SRFBP1: variants seen among roughly 807,000 people sequenced by gnomAD.
The protein encoded by SRFBP1 is serum response factor-binding protein 1.
SRFBP1 carries 47 observed loss-of-function variants against 45.5 expected under a neutral mutation model. The observed-to-expected ratio is 1.03, with a 90% CI of 0.82 to 1.32. The LOEUF is 1.32. Ranked by LOEUF, SRFBP1 falls within the 40% of genes most tolerant of loss-of-function variation. SRFBP1 has a pLI of 0.00. For synonymous variants in SRFBP1, 203 were observed against 166.3 expected (o/e 1.22, Z -1.70); for missense variants, 621 against 484.6 (o/e 1.28, Z -2.64).
chr5:121,965,745 A>G (rs1017556188), intron 1 of SRFBP1, among the ~76,000 whole-genome samples: 2 of 152,122 alleles, frequency 1.3e-5, no homozygotes, highest in Non-Finnish European at 2.9e-5. Context: ...TGGTAGCTTG[A>G]TGGGGATAGC....
At chr5:121,991,512 A>G (rs567010722) in intron 3 of SRFBP1, among the ~76,000 whole-genome samples, 1 of 152,254 alleles carries the variant, frequency 6.6e-6, no homozygotes, top group Non-Finnish European at 1.5e-5. Flanking sequence ...ATTTTCTGTA[A>G]TCTTTGAATA....
intron 4 of SRFBP1, among the ~76,000 whole-genome samples, chr5:121,996,790 T>C (rs1285043246): frequency 7.8e-6 from 1 of 129,018 alleles, no homozygotes; most frequent in African/African-American, 3.2e-5. Flanking sequence ...AAAATCTCCT[T>C]AAGCTGATAA....
intron 2 of SRFBP1, among the ~76,000 whole-genome samples, chr5:122,035,777 C>T (rs921468322): frequency 1.3e-5 from 2 of 152,150 alleles, no homozygotes; most frequent in Non-Finnish European, 2.9e-5. Context: ...AGAGCCTACC[C>T]TTGTTGGACA....
At chr5:122,049,997 A>G (rs921874569) in intron 2 of SRFBP1, among the ~76,000 whole-genome samples, 2 of 152,036 alleles carry the variant, frequency 1.3e-5, no homozygotes, top group Admixed American at 6.6e-5. Context: ...ATCTATTTAG[A>G]TAATCACGTG....
chr5:121,994,558 TAGAC>T (rs771509068), intron 3 of SRFBP1, 37 bp from the exon 4 acceptor site: 1 of 1,332,538 alleles, frequency 7.5e-7, no homozygotes, highest in Admixed American at 1.9e-5. Flanking sequence ...GTGATAAAAA[TAGAC>T]ACATAACTAA....
intron 2 of SRFBP1, among the ~76,000 whole-genome samples, chr5:122,040,386 G>A (rs1359157250): frequency 6.6e-6 from 1 of 152,072 alleles, no homozygotes; most frequent in Non-Finnish European, 1.5e-5. Flanking sequence ...TTTGTACTTT[G>A]AACATGTGTT....
intron 4 of SRFBP1, among the ~76,000 whole-genome samples, chr5:122,017,938 C>T (rs1753222320): frequency 6.6e-6 from 1 of 152,192 alleles, no homozygotes; most frequent in Non-Finnish European, 1.5e-5. Flanking sequence ...ATTCTAGGCA[C>T]TGAATCTACA....
intron 4 of SRFBP1, among the ~76,000 whole-genome samples, chr5:122,012,489 T>TCCC (rs1753117299): frequency 6.6e-6 from 1 of 152,132 alleles, no homozygotes; most frequent in African/African-American, 2.4e-5. Context: ...ATAACTAATG[T>TCCC]GTATGTTAAT....
rs554322205 is a variant in SRFBP1 at position 122,070,093 on chromosome 5, T to C, written n.312-5222T>C. The C allele has an allele frequency of 1.2e-6, 2 of 1,613,200 alleles. No homozygotes were observed. The highest frequency in any genetic ancestry group is 2.7e-5 in the African/African-American group (2 of 74,998). On this transcript the variant is annotated intron_variant and non_coding_transcript_variant, in intron 2 of 2. Transcript: ENST00000504881. Reference sequence around the variant, plus strand: ...CCTGAGGCATACGCATGATGTCCTGTGTAGCGAATGTCACAGCGCACAACA... The same window carrying C: ...CCTGAGGCATACGCATGATGTCCTGCGTAGCGAATGTCACAGCGCACAACA...
At chr5:122,075,244 A>G in intron 2 of SRFBP1, 1 of 590,326 alleles carries the variant, frequency 1.7e-6, no homozygotes, top group Non-Finnish European at 2.8e-6. Context: ...AGGATCTTGT[A>G]GTAGATGGGT....
intron 3 of SRFBP1, among the ~76,000 whole-genome samples, chr5:121,988,335 C>G (rs776505206): frequency 6.6e-6 from 1 of 152,128 alleles, no homozygotes; most frequent in Non-Finnish European, 1.5e-5. Flanking sequence ...TCCCCAAGAC[C>G]ACTCTTGAGC....
At chr5:122,075,701 C>T, downstream of SRFBP1, 1 of 469,316 alleles carries the variant, frequency 2.1e-6, no homozygotes, top group South Asian at 5.5e-5. Flanking sequence ...TTGTTCATTG[C>T]TGAATCCAAA....
intron 3 of SRFBP1, among the ~76,000 whole-genome samples, chr5:121,987,700 A>G (rs1752544854): frequency 6.6e-6 from 1 of 152,168 alleles, no homozygotes; most frequent in Admixed American, 6.6e-5. Flanking sequence ...TTTTGATCAC[A>G]CTTTGGAAAA....
chr5:121,986,642 A>G (rs1009035613), intron 3 of SRFBP1, among the ~76,000 whole-genome samples: 5 of 152,050 alleles, frequency 3.3e-5, no homozygotes, highest in African/African-American at 7.2e-5. Context: ...AAGCCAGCCT[A>G]CATAGCTTGT....
chr5:122,059,381 C>T (rs1181973814), intron 2 of SRFBP1, among the ~76,000 whole-genome samples: 1 of 152,056 alleles, frequency 6.6e-6, no homozygotes, highest in Admixed American at 6.6e-5. Context: ...TATCCCATCC[C>T]TCTGACCTCA....
chr5:121,965,421 T>G (rs1265731687), intron 1 of SRFBP1, among the ~76,000 whole-genome samples: 1 of 152,224 alleles, frequency 6.6e-6, no homozygotes, highest in African/African-American at 2.4e-5. Flanking sequence ...TACCCAGTTT[T>G]CCCAACACCA....
intron 2 of SRFBP1, among the ~76,000 whole-genome samples, chr5:122,055,278 G>C (rs2152579416): frequency 6.6e-6 from 1 of 152,258 alleles, no homozygotes; most frequent in African/African-American, 2.4e-5. Context: ...CCACTCATGA[G>C]CACTCCACCC....
Position 122,027,168 on chromosome 5 carries a change from A to AG in SRFBP1, c.*42_*43insG. 7 of 1,497,488 alleles carry AG rather than the reference A, an allele frequency of 4.7e-6. No individual in the cohort carries two copies. The highest frequency in any genetic ancestry group is 6.4e-6 in the Non-Finnish European group (7 of 1,097,684). 92.8% of individuals were successfully genotyped at this position (1,497,488 alleles called of 1,614,324 possible). ...CAAACTTTTCCATCTAAAAAAAAAA[A>AG]TGTTTTTTTTAAGACAGGATCTCAT... On this transcript the variant is annotated 3_prime_UTR_variant, in exon 8 of 8. Transcript: ENST00000339397.
At chr5:121,962,243 C>T (rs1313444220) in intron 1 of SRFBP1, among the ~76,000 whole-genome samples, 175 bp downstream of exon 1, 1 of 152,122 alleles carries the variant, frequency 6.6e-6, no homozygotes, top group Non-Finnish European at 1.5e-5. Context: ...TTTCGGTCTC[C>T]AGGTGACTAA....
Sources: gnomAD v4.1 joint callset for allele counts (sites outside exome capture counted in the v4.1 genomes callset) on GRCh38, gnomAD v4.1.1 for gene constraint, MANE v1.5 for transcripts, NCBI Gene and HGNC (gene_info 2026-07-23, HGNC 2026-07-21) for gene names.